Variants in SKIC3 observed in about 807,000 individuals in gnomAD.
SKIC3 encodes the protein SKI3 subunit of superkiller complex.
the SKIC3 span, chr5:95,523,978 T>C: frequency 1.2e-6 from 1 of 836,870 alleles, no homozygotes; most frequent in Non-Finnish European, 1.8e-6. Flanking sequence ...AATCCTTTGA[T>C]GTAAGATTTA....
chr5:95,504,502 T>A, the SKIC3 span, among the ~76,000 whole-genome samples: 1 of 151,896 alleles, frequency 6.6e-6, no homozygotes, highest in Non-Finnish European at 1.5e-5. Flanking sequence ...GATCTCTAAT[T>A]TTTTTAAGCT....
the SKIC3 span, among the ~76,000 whole-genome samples, chr5:95,539,212 T>G: frequency 6.6e-6 from 1 of 151,930 alleles, no homozygotes; most frequent in Non-Finnish European, 1.5e-5. Flanking sequence ...ATTCATGGAC[T>G]AATATCCAGA....
the SKIC3 span, among the ~76,000 whole-genome samples, chr5:95,481,409 A>G: frequency 1.3e-5 from 2 of 152,264 alleles, no homozygotes; most frequent in African/African-American, 4.8e-5. Context: ...TCATGATTGT[A>G]AGGCCTCCCC....
chr5:95,538,582 C>T, the SKIC3 span, among the ~76,000 whole-genome samples: 5 of 152,004 alleles, frequency 3.3e-5, no homozygotes, highest in East Asian at 1.9e-4. Context: ...AACAAGTGTA[C>T]ATTAAGTAGC....
the SKIC3 span, chr5:95,520,686 TAAAC>T: frequency 5.8e-6 from 9 of 1,545,414 alleles, no homozygotes; most frequent in Non-Finnish European, 7.9e-6. Context: ...ATTACAAAAA[TAAAC>T]AATAAATAAT....
chr5:95,538,023 C>A, the SKIC3 span, among the ~76,000 whole-genome samples: 1 of 151,988 alleles, frequency 6.6e-6, no homozygotes, highest in Non-Finnish European at 1.5e-5. Flanking sequence ...AATGAAAAAT[C>A]TGTAATACAT....
chr5:95,519,805 T>C, the SKIC3 span, among the ~76,000 whole-genome samples: 2 of 152,040 alleles, frequency 1.3e-5, no homozygotes, highest in Admixed American at 6.6e-5. Context: ...AGAGAGGCAG[T>C]ATTTATAGCT....
the SKIC3 span, chr5:95,469,832 G>A: frequency 6.2e-7 from 1 of 1,614,178 alleles, no homozygotes; most frequent in Non-Finnish European, 8.5e-7. Flanking sequence ...AGAACAGCCA[G>A]TGGACAAAAG....
chr5:95,536,651 T>TACACAA, the SKIC3 span: 1 of 631,920 alleles, frequency 1.6e-6, no homozygotes, highest in Non-Finnish European at 2.8e-6. Context: ...CTATATTTAT[T>TACACAA]AGTCTTTTCA....
At chr5:95,525,305 T>A in the SKIC3 span, 1 of 1,193,120 alleles carries the variant, frequency 8.4e-7, no homozygotes, top group Non-Finnish European at 1.2e-6. Flanking sequence ...TCATGAAAAA[T>A]CAAATCTTCA....
the SKIC3 span, among the ~76,000 whole-genome samples, chr5:95,470,078 C>T: frequency 2.0e-5 from 3 of 151,862 alleles, no homozygotes; most frequent in African/African-American, 4.8e-5. Context: ...CCCAGGTTCC[C>T]GCCATTCTCC....
the SKIC3 span, among the ~76,000 whole-genome samples, chr5:95,492,403 G>T: frequency 6.6e-6 from 1 of 151,460 alleles, no homozygotes; most frequent in Non-Finnish European, 1.5e-5. Flanking sequence ...TTGGGAGGCC[G>T]AGGCGGGCGG....
chr5:95,519,198 C>T, the SKIC3 span, among the ~76,000 whole-genome samples: 1 of 151,934 alleles, frequency 6.6e-6, no homozygotes, highest in East Asian at 1.9e-4. Flanking sequence ...ATTATGGTGA[C>T]AGAGGGCAAT....
the SKIC3 span, among the ~76,000 whole-genome samples, chr5:95,488,732 G>A: frequency 6.6e-6 from 1 of 151,760 alleles, no homozygotes; most frequent in Admixed American, 6.6e-5. Context: ...ACACACAAAA[G>A]TAAAAACTCA....
chr5:95,505,679 G>C, the SKIC3 span, among the ~76,000 whole-genome samples: 41 of 152,044 alleles, frequency 2.7e-4, no homozygotes, highest in African/African-American at 9.7e-4. Context: ...TGGGCGTGGT[G>C]GTGGGCACCT....
the SKIC3 span, chr5:95,516,452 CTAGTTGAAAG>C: frequency 6.2e-7 from 1 of 1,612,396 alleles, no homozygotes; most frequent in Non-Finnish European, 8.5e-7. Flanking sequence ...GGCCCCTTGT[CTAGTTGAAAG>C]TCTCAGAAAA....
chr5:95,516,968 T>C, the SKIC3 span: 1 of 1,613,178 alleles, frequency 6.2e-7, no homozygotes, highest in African/African-American at 1.3e-5. Flanking sequence ...GCTGCCTGTT[T>C]CTGCTAGATG....
the SKIC3 span, among the ~76,000 whole-genome samples, chr5:95,544,735 T>C: frequency 6.6e-6 from 1 of 152,206 alleles, no homozygotes; most frequent in Non-Finnish European, 1.5e-5. Context: ...AAGTACTGAC[T>C]ATCTGCCTGA....
chr5:95,526,711 C>T, the SKIC3 span, among the ~76,000 whole-genome samples: 2 of 152,060 alleles, frequency 1.3e-5, no homozygotes, highest in Admixed American at 1.3e-4. Context: ...TCAAGTGATC[C>T]ACCTGCCTCG....
Sources: allele counts gnomAD v4.1 joint callset (sites outside exome capture counted in the v4.1 genomes callset), GRCh38; gene constraint gnomAD v4.1.1; transcripts MANE v1.5; gene names NCBI Gene and HGNC (gene_info 2026-07-23, HGNC 2026-07-21).